ETV6: variants seen among roughly 807,000 people sequenced by gnomAD.
The protein encoded by ETV6 is transcription factor ETV6.
In ETV6, 16 loss-of-function variants were observed where a neutral mutation model predicts 51.1. The observed-to-expected ratio is 0.31, with a 90% CI of 0.21 to 0.48. ETV6 has a LOEUF of 0.48. ETV6 is among the 20% of genes least tolerant of loss of function. The probability of loss-of-function intolerance (pLI) is 0.99; values close to 1 mark genes in which losing one functional copy is unlikely to be tolerated. For missense variants in ETV6, 458 were observed against 594.8 expected, an observed-to-expected ratio of 0.77 and a Z score of 2.39; for synonymous variants, 240 against 224.1, an observed-to-expected ratio of 1.07 and a Z score of -0.64.
rs528716057 is a variant in ETV6 at position 11,770,874 on chromosome 12, T to C, written c.163+18295T>C. ...ATGATTGTGCCACTGCACTCCAGCC[T>C]GAACAACAGAGCAAGACCCCATCTC... is the stretch of plus-strand genomic sequence containing the variant. On this transcript the variant is annotated intron_variant, in intron 2 of 7. Coordinates refer to ENST00000396373, the MANE Select transcript of ETV6 (RefSeq NM_001987.5). 1.1e-4 allele frequency among the ~76,000 whole-genome samples: 16 copies of C among 151,818 alleles called. No homozygotes were observed. The South Asian group carries it at 2.5e-3, about 24-fold the overall frequency.
At position 11,752,599 on chromosome 12, in the gene ETV6, G is replaced by T; in HGVS notation, c.163+20G>T. The T allele has an allele frequency of 1.9e-6, 3 of 1,601,792 alleles. No homozygotes were observed. Among genetic ancestry groups the T allele is most frequent in the Non-Finnish European group, 1.7e-6 (2 of 1,174,136 alleles). The stretch of plus-strand genomic sequence containing the variant: ...ACCTGCGTGAGTGTTCGTGACCCGA[G>T]AGGGACAGAGGATTGATGGCGTGGG... On this transcript the variant is annotated intron_variant, in intron 2 of 7. Transcript: ENST00000396373.
intron 2 of ETV6, among the ~76,000 whole-genome samples, chr12:11,772,483 T>C (rs954508164): frequency 1.3e-5 from 2 of 152,206 alleles, no homozygotes; most frequent in African/African-American, 4.8e-5. Flanking sequence ...GTTTGATTGA[T>C]GGGGTGATGG....
At chr12:11,773,825 T>A (rs191853447) in intron 2 of ETV6, among the ~76,000 whole-genome samples, 1 of 152,226 alleles carries the variant, frequency 6.6e-6, no homozygotes, top group Non-Finnish European at 1.5e-5. Flanking sequence ...GAGGTTCTCC[T>A]GGAACTCCCT....
intron 4 of ETV6, among the ~76,000 whole-genome samples, chr12:11,860,334 C>T (rs1313147647): frequency 1.3e-5 from 2 of 152,146 alleles, no homozygotes; most frequent in African/African-American, 4.8e-5. Context: ...CCACGGAATA[C>T]ATGACAGAGC....
At chr12:11,764,123 T>C (rs548601189) in intron 2 of ETV6, among the ~76,000 whole-genome samples, 1 of 152,356 alleles carries the variant, frequency 6.6e-6, no homozygotes, top group South Asian at 2.1e-4. Flanking sequence ...GAGATAGTTA[T>C]GGAGAGAGAT....
chr12:11,871,414 T>A (rs1488084555), intron 5 of ETV6, among the ~76,000 whole-genome samples: 2 of 152,044 alleles, frequency 1.3e-5, no homozygotes, highest in East Asian at 3.9e-4. Flanking sequence ...ATGGTCTTGA[T>A]CTCCTGACCT....
At chr12:11,880,506 CA>C (rs1214562611) in intron 5 of ETV6, among the ~76,000 whole-genome samples, 7 of 148,294 alleles carry the variant, frequency 4.7e-5, no homozygotes, top group African/African-American at 1.8e-4. Context: ...TAAGCCCTTA[CA>C]TTGGAGAAAT....
At chr12:11,694,655 G>A (rs1864839943) in intron 1 of ETV6, among the ~76,000 whole-genome samples, 1 of 152,112 alleles carries the variant, frequency 6.6e-6, no homozygotes, top group African/African-American at 2.4e-5. Flanking sequence ...TTTCCACCTG[G>A]TTATTGTCTC....
intron 1 of ETV6, among the ~76,000 whole-genome samples, chr12:11,678,940 G>A (rs1864473583): frequency 6.6e-6 from 1 of 152,158 alleles, no homozygotes; most frequent in Non-Finnish European, 1.5e-5. Flanking sequence ...GGATTAGATA[G>A]TGCCCACCCA....
At chr12:11,844,784 A>G (rs1049039274) in intron 3 of ETV6, among the ~76,000 whole-genome samples, 3 of 151,140 alleles carry the variant, frequency 2.0e-5, no homozygotes, top group Non-Finnish European at 4.4e-5. Context: ...AGTGTATCAC[A>G]CATCAGAGAA....
chr12:11,752,055 C>T (rs1244544746), intron 1 of ETV6, among the ~76,000 whole-genome samples: 2 of 152,184 alleles, frequency 1.3e-5, no homozygotes, highest in Non-Finnish European at 2.9e-5. Flanking sequence ...GAAAACATGG[C>T]TTTAATATAG....
At chr12:11,854,253 C>T (rs372813358) in intron 4 of ETV6, among the ~76,000 whole-genome samples, 2 of 152,004 alleles carry the variant, frequency 1.3e-5, no homozygotes, top group South Asian at 2.1e-4. Context: ...TCTGACAGGA[C>T]GTGGGACTCA....
At chr12:11,671,188 A>G (rs921306072) in intron 1 of ETV6, among the ~76,000 whole-genome samples, 2 of 152,160 alleles carry the variant, frequency 1.3e-5, no homozygotes, top group Admixed American at 6.5e-5. Context: ...TAGAGTGGCT[A>G]GTTCTGGGAG....
Position 11,891,473 on chromosome 12 carries a change from T to TC in ETV6, c.*427_*428insC. On this transcript the variant is annotated 3_prime_UTR_variant, in exon 8 of 8. Coordinates refer to ENST00000396373, the MANE Select transcript of ETV6 (RefSeq NM_001987.5). ...ATATATATCTATTATATATATATTT[T>TC]TTGCAAATCTCACAAAGTGCGGCAA... 2.0e-6 allele frequency: 1 copy of TC among 489,744 alleles called. No homozygotes were observed. The highest frequency in any genetic ancestry group is 3.8e-6 in the Non-Finnish European group (1 of 260,684). The allele number at this position is 489,744 out of a possible 1,614,324, so 30.3% of individuals were successfully genotyped here. A position where few individuals can be genotyped will look rare whatever the true frequency, so the allele number is the denominator to read the frequency against.
At chr12:11,791,953 G>A (rs1467420825) in intron 2 of ETV6, among the ~76,000 whole-genome samples, 1 of 152,188 alleles carries the variant, frequency 6.6e-6, no homozygotes. Context: ...TGGAGAAGAA[G>A]TGAGACATTT....
intron 2 of ETV6, among the ~76,000 whole-genome samples, chr12:11,804,672 C>T (rs1945803313): frequency 6.6e-6 from 1 of 152,226 alleles, no homozygotes; most frequent in South Asian, 2.1e-4. Context: ...CACTCTCCAT[C>T]ACCTTTATCC....
chr12:11,657,647 T>C (rs74062343), intron 1 of ETV6, among the ~76,000 whole-genome samples: 176 of 152,338 alleles, frequency 1.2e-3, no homozygotes, highest in African/African-American at 4.0e-3. Context: ...ATGGCCTCCC[T>C]GGGGGTATTT....
intron 4 of ETV6, among the ~76,000 whole-genome samples, chr12:11,862,415 A>G (rs1046737092): frequency 6.6e-6 from 1 of 152,156 alleles, no homozygotes; most frequent in Non-Finnish European, 1.5e-5. Flanking sequence ...GTAACAAAGT[A>G]CCCCAAACGG....
intron 1 of ETV6, among the ~76,000 whole-genome samples, chr12:11,663,810 G>A (rs975714970): frequency 2.0e-5 from 3 of 152,086 alleles, no homozygotes; most frequent in Admixed American, 6.6e-5. Context: ...CTTCAGTGGT[G>A]AACTGAAAAA....
Sources: allele counts gnomAD v4.1 joint callset (sites outside exome capture counted in the v4.1 genomes callset), GRCh38; gene constraint gnomAD v4.1.1; transcripts MANE v1.5; gene names NCBI Gene and HGNC (gene_info 2026-07-23, HGNC 2026-07-21).